The following SLC35F4 variants were observed in gnomAD, a reference collection of about 807,000 sequenced individuals.
The protein encoded by SLC35F4 is chromosome 14 open reading frame 36.
A neutral mutation model predicts 44.2 loss-of-function variants in SLC35F4; 24 were observed. That is an observed-to-expected ratio of 0.54 (90% CI 0.39 to 0.76). The LOEUF (loss-of-function observed/expected upper bound fraction) is 0.76. Ranked by LOEUF, SLC35F4 falls within the 30% of genes least tolerant of loss-of-function variation. The pLI, the probability that SLC35F4 is intolerant of heterozygous loss-of-function variation, is 0.00. For missense variants in SLC35F4, 562 were observed against 586.1 expected, an observed-to-expected ratio of 0.96 and a Z score of 0.42; for synonymous variants, 238 against 223.6, an observed-to-expected ratio of 1.06 and a Z score of -0.57.
At chr14:57,645,159 A>G (rs1236644538) in intron 1 of SLC35F4, among the ~76,000 whole-genome samples, 1 of 152,192 alleles carries the variant, frequency 6.6e-6, no homozygotes, top group Non-Finnish European at 1.5e-5. Flanking sequence ...TCTGTGAACA[A>G]AGTCATTGGT....
intron 1 of SLC35F4, among the ~76,000 whole-genome samples, chr14:57,729,366 G>A (rs2140466177): frequency 1.3e-5 from 2 of 152,310 alleles, no homozygotes; most frequent in Middle Eastern, 6.8e-3. Flanking sequence ...CCTGGAGCCA[G>A]CATGTCTCAG....
intron 1 of SLC35F4, among the ~76,000 whole-genome samples, chr14:57,834,747 C>CAGTG (rs1448537893): frequency 6.6e-6 from 1 of 152,216 alleles, no homozygotes; most frequent in Admixed American, 6.5e-5. Context: ...AGGCCGGGCA[C>CAGTG]AGTGGCTCAT....
chr14:57,807,168 C>T (rs1383457347), intron 1 of SLC35F4, among the ~76,000 whole-genome samples: 1 of 152,192 alleles, frequency 6.6e-6, no homozygotes, highest in African/African-American at 2.4e-5. Flanking sequence ...AGAAGAGTGA[C>T]AAATAGGATT....
chr14:57,726,521 A>G (rs968763157), intron 1 of SLC35F4, among the ~76,000 whole-genome samples: 4 of 152,218 alleles, frequency 2.6e-5, no homozygotes, highest in African/African-American at 4.8e-5. Flanking sequence ...CCTTTATCAC[A>G]TGACGTAAGA....
intron 1 of SLC35F4, among the ~76,000 whole-genome samples, chr14:57,749,715 G>A (rs1242466674): frequency 6.6e-6 from 1 of 152,144 alleles, no homozygotes; most frequent in Non-Finnish European, 1.5e-5. Context: ...GGTGTCCTCA[G>A]ACTAGTGACC....
chr14:57,845,867 C>T (rs1430229653), intron 1 of SLC35F4, among the ~76,000 whole-genome samples: 2 of 152,176 alleles, frequency 1.3e-5, no homozygotes, highest in African/African-American at 4.8e-5. Flanking sequence ...GGCATATCCC[C>T]TTCTCTTCTC....
At chr14:57,668,546 T>A (rs1416175264) in intron 1 of SLC35F4, among the ~76,000 whole-genome samples, 2 of 152,144 alleles carry the variant, frequency 1.3e-5, no homozygotes, top group Admixed American at 1.3e-4. Flanking sequence ...ACTTTCTGCA[T>A]ATGGCTAGCC....
At chr14:57,601,982 T>C (rs1286034582) in intron 1 of SLC35F4, among the ~76,000 whole-genome samples, 1 of 152,212 alleles carries the variant, frequency 6.6e-6, no homozygotes, top group East Asian at 1.9e-4. Context: ...ATCTCACTGC[T>C]TTTCCATCTC....
chr14:57,570,156 A>T (rs1460714914), intron 5 of SLC35F4, among the ~76,000 whole-genome samples, 176 bp from the exon 6 acceptor site: 1 of 152,220 alleles, frequency 6.6e-6, no homozygotes, highest in Non-Finnish European at 1.5e-5. Context: ...AATACTCCAT[A>T]GCCTTCATAT....
rs569000984 is a variant in SLC35F4, at chr14:57,650,501, G to A, written c.104-56377C>T. Among the ~76,000 whole-genome samples the A allele has an allele frequency of 4.8e-4, 73 of 152,056 alleles. 1 individual carries two copies. In the Middle Eastern group the frequency reaches 0.014, roughly 28 times the overall value. ...TTTGCCCAAAACACACCTCAACTAC[G>A]TCTACTTCTCACCATCTCTATGTCT... On this transcript the variant is annotated intron_variant, in intron 1 of 7. Coordinates refer to ENST00000556826, the MANE Select transcript of SLC35F4 (RefSeq NM_001306087.2).
chr14:57,878,422 C>T (rs2141031058), intron 1 of SLC35F4, among the ~76,000 whole-genome samples: 1 of 152,306 alleles, frequency 6.6e-6, no homozygotes, highest in South Asian at 2.1e-4. Context: ...ATCCCACACC[C>T]CTAATGATTG....
intron 1 of SLC35F4, among the ~76,000 whole-genome samples, chr14:57,734,002 A>C (rs1216640641): frequency 6.6e-6 from 1 of 152,202 alleles, no homozygotes; most frequent in Non-Finnish European, 1.5e-5. Context: ...CTATTCAGCC[A>C]TGTCATCCCT....
intron 1 of SLC35F4, among the ~76,000 whole-genome samples, chr14:57,750,733 T>G (rs1159289973): frequency 2.0e-5 from 2 of 101,114 alleles, no homozygotes; most frequent in Non-Finnish European, 4.9e-5. Flanking sequence ...TTATTTGGGT[T>G]TGTTGTTGTT....
intron 1 of SLC35F4, among the ~76,000 whole-genome samples, chr14:57,685,724 G>C (rs1380288235): frequency 6.6e-6 from 1 of 152,174 alleles, no homozygotes. Context: ...AAAGTAATTT[G>C]ACATGAGTAG....
chr14:57,907,711 T>G (rs1383984972), intron 1 of SLC35F4, among the ~76,000 whole-genome samples: 1 of 149,472 alleles, frequency 6.7e-6, no homozygotes, highest in African/African-American at 2.4e-5. Context: ...TCAACACATA[T>G]TTGCAGAACC....
chr14:57,982,239 C>T (rs1373768447), upstream of SLC35F4: 1 of 152,096 alleles, frequency 6.6e-6, no homozygotes, highest in Non-Finnish European at 1.5e-5. Context: ...TGTCGGAAGC[C>T]AGGGCAACAG....
intron 1 of SLC35F4, among the ~76,000 whole-genome samples, chr14:57,797,810 CCTTGCCATATAT>C (rs1199663528): frequency 6.6e-6 from 1 of 152,048 alleles, no homozygotes; most frequent in Non-Finnish European, 1.5e-5. Flanking sequence ...TAGTTTATAT[CCTTGCCATATAT>C]CTTGACAGTA....
At chr14:57,888,686 T>A (rs565796995) in intron 1 of SLC35F4, among the ~76,000 whole-genome samples, 1 of 152,184 alleles carries the variant, frequency 6.6e-6, no homozygotes, top group African/African-American at 2.4e-5. Context: ...GTTAAACGAT[T>A]TGTACTTTGT....
At chr14:57,590,032 C>A (rs1453283703) in intron 2 of SLC35F4, among the ~76,000 whole-genome samples, 3 of 151,824 alleles carry the variant, frequency 2.0e-5, no homozygotes, top group Middle Eastern at 6.4e-3. Context: ...TCTGTATGCA[C>A]CAACATGAAA....
Sources: gnomAD v4.1 joint callset for allele counts (sites outside exome capture counted in the v4.1 genomes callset) on GRCh38, gnomAD v4.1.1 for gene constraint, MANE v1.5 for transcripts, NCBI Gene and HGNC (gene_info 2026-07-23, HGNC 2026-07-21) for gene names.